The following DIP2C variants were observed in gnomAD, a reference collection of about 807,000 sequenced individuals.
DIP2C encodes disco-interacting protein 2 homolog C.
Under a neutral mutation model 192.4 loss-of-function variants are expected in DIP2C, and 33 were observed. The ratio of observed to expected loss-of-function variants is 0.17; its 90% confidence interval spans 0.13 to 0.23. The LOEUF (loss-of-function observed/expected upper bound fraction) is 0.23. Ranked by LOEUF, DIP2C falls within the 10% of genes least tolerant of loss-of-function variation. The probability of loss-of-function intolerance (pLI) is 1.00; values close to 1 mark genes in which losing one functional copy is unlikely to be tolerated. For synonymous variants in DIP2C, 979 were observed against 864.1 expected, an observed-to-expected ratio of 1.13 and a Z score of -2.33; for missense variants, 1,537 against 2,110.1, an observed-to-expected ratio of 0.73 and a Z score of 5.32.
intron 1 of DIP2C, among the ~76,000 whole-genome samples, chr10:526,558 T>A (rs1185845446): frequency 1.3e-5 from 2 of 151,838 alleles, no homozygotes; most frequent in African/African-American, 4.8e-5. Context: ...TCCGTGGCAT[T>A]TAATAAAAAA....
At chr10:605,061 G>C in intron 1 of DIP2C, among the ~76,000 whole-genome samples, 1 of 152,238 alleles carries the variant, frequency 6.6e-6, no homozygotes, top group East Asian at 1.9e-4. Flanking sequence ...CAACCTTGGA[G>C]TTTACAGAAA....
intron 1 of DIP2C, among the ~76,000 whole-genome samples, chr10:593,488 C>A (rs1178229697): frequency 3.6e-5 from 3 of 84,296 alleles, no homozygotes; most frequent in Non-Finnish European, 4.6e-5. Flanking sequence ...ACGCGGGACC[C>A]CCCCCCCCCC....
intron 1 of DIP2C, among the ~76,000 whole-genome samples, chr10:493,685 G>T (rs1342910641): frequency 1.3e-5 from 2 of 152,220 alleles, no homozygotes; most frequent in Non-Finnish European, 2.9e-5. Context: ...TTTGGATTGG[G>T]AGGGAACATG....
chr10:473,140 TAACAAAA>T (rs2133448633), intron 2 of DIP2C, among the ~76,000 whole-genome samples: 1 of 152,252 alleles, frequency 6.6e-6, no homozygotes, highest in African/African-American at 2.4e-5. Flanking sequence ...ACTTGGTGAA[TAACAAAA>T]AACATTAATG....
At chr10:456,668 T>A (rs955951038) in intron 3 of DIP2C, among the ~76,000 whole-genome samples, 3 of 152,190 alleles carry the variant, frequency 2.0e-5, no homozygotes, top group Non-Finnish European at 4.4e-5. Context: ...CTGCATGGAA[T>A]TCCACCTGTC....
chr10:581,237 A>G (rs994032493), intron 1 of DIP2C, among the ~76,000 whole-genome samples: 9 of 152,208 alleles, frequency 5.9e-5, no homozygotes, highest in African/African-American at 2.2e-4. Context: ...CAGCTGGGGA[A>G]AAAACAACAA....
intron 32 of DIP2C, among the ~76,000 whole-genome samples, chr10:292,077 C>T (rs950585751): frequency 9.8e-5 from 15 of 152,366 alleles, no homozygotes; most frequent in African/African-American, 3.6e-4. Context: ...GCAGAGCTCA[C>T]CTTCTGTGAG....
chr10:532,251 T>C (rs556927495), intron 1 of DIP2C, among the ~76,000 whole-genome samples: 12 of 152,040 alleles, frequency 7.9e-5, no homozygotes, highest in Non-Finnish European at 1.5e-4. Flanking sequence ...CCCACTCATG[T>C]CCCGGAAAGC....
chr10:597,833 T>TC (rs1211663992), intron 1 of DIP2C, among the ~76,000 whole-genome samples: 3 of 152,048 alleles, frequency 2.0e-5, no homozygotes, highest in South Asian at 2.1e-4. Flanking sequence ...ACCCATGAGG[T>TC]CCTAGGGGTC....
intron 1 of DIP2C, among the ~76,000 whole-genome samples, chr10:677,910 T>C (rs369874270): frequency 6.6e-6 from 1 of 152,208 alleles, no homozygotes. Context: ...CTGGCTCATG[T>C]GCACCCGGCG....
chr10:687,740 G>A (rs755232676), intron 1 of DIP2C, among the ~76,000 whole-genome samples: 1 of 152,206 alleles, frequency 6.6e-6, no homozygotes, highest in Non-Finnish European at 1.5e-5. Flanking sequence ...ACAGGCAAGT[G>A]TCGTCACCTC....
At chr10:609,239 C>A (rs575495601) in intron 1 of DIP2C, among the ~76,000 whole-genome samples, 3 of 152,078 alleles carry the variant, frequency 2.0e-5, no homozygotes, top group Non-Finnish European at 4.4e-5. Flanking sequence ...CTTACAGGAA[C>A]TTTCCAAAAG....
At chr10:439,578 C>A (rs1365233458) in intron 4 of DIP2C, among the ~76,000 whole-genome samples, 1 of 152,154 alleles carries the variant, frequency 6.6e-6, no homozygotes, top group Non-Finnish European at 1.5e-5. Context: ...GAGCTGCAAT[C>A]ATGACACTGA....
intron 3 of DIP2C, among the ~76,000 whole-genome samples, chr10:444,163 T>C (rs111897362): frequency 3.3e-5 from 5 of 149,664 alleles, no homozygotes; most frequent in Non-Finnish European, 7.4e-5. Flanking sequence ...AGACAGCCAC[T>C]GTTCATTCAT....
chr10:586,180 GAATT>G (rs1156703174), intron 1 of DIP2C, among the ~76,000 whole-genome samples: 4 of 152,108 alleles, frequency 2.6e-5, no homozygotes, highest in Non-Finnish European at 4.4e-5. Context: ...CTGGGAGAGA[GAATT>G]AAATTGTGCT....
intron 3 of DIP2C, among the ~76,000 whole-genome samples, chr10:466,270 G>A (rs1408740440): frequency 6.6e-6 from 1 of 151,154 alleles, no homozygotes. Flanking sequence ...ACAAACCTGA[G>A]AAAAACAAGC....
chr10:395,403 A>G (rs1249644708), intron 10 of DIP2C, among the ~76,000 whole-genome samples: 1 of 152,220 alleles, frequency 6.6e-6, no homozygotes, highest in Admixed American at 6.5e-5. Flanking sequence ...ACTCTACCCC[A>G]TAAATGTATA....
At position 548,911 on chromosome 10, in the gene DIP2C, C is replaced by CAAAAAAAAAAAAAAAAAAAA. The variant is rs61437915; in HGVS notation, c.86-62401_86-62382dup. Among the ~76,000 whole-genome samples, 2 of 26,458 alleles carry CAAAAAAAAAAAAAAAAAAAA rather than the reference C, an allele frequency of 7.6e-5. 1 individual carries two copies. Among genetic ancestry groups the CAAAAAAAAAAAAAAAAAAAA allele is most frequent in the African/African-American group, 2.7e-4 (2 of 7,424 alleles). The allele number at this position is 26,458 out of a possible 152,430, so 17.4% of individuals were successfully genotyped here. A position where few individuals can be genotyped will look rare whatever the true frequency, so the allele number is the denominator to read the frequency against. On this transcript the variant is annotated intron_variant, in intron 1 of 36. Transcript: ENST00000280886. Reference sequence around the variant, plus strand: ...CATTGCAGGAAAAAATAGCAGCTCACAAAAAAAAAAAAAAAAAAAAAAAAA... The same window carrying CAAAAAAAAAAAAAAAAAAAA: ...CATTGCAGGAAAAAATAGCAGCTCACAAAAAAAAAAAAAAAAAAAAAAAAAAAAAAAAAAAAAAAAAAAAA...
intron 1 of DIP2C, among the ~76,000 whole-genome samples, chr10:601,924 TTC>T (rs980477284): frequency 1.3e-5 from 2 of 151,618 alleles, no homozygotes; most frequent in Admixed American, 6.6e-5. Context: ...ACGCGTTTTG[TTC>T]TGATTGATCA....
Sources: gnomAD v4.1 joint callset for allele counts (sites outside exome capture counted in the v4.1 genomes callset) on GRCh38, gnomAD v4.1.1 for gene constraint, MANE v1.5 for transcripts, NCBI Gene and HGNC (gene_info 2026-07-23, HGNC 2026-07-21) for gene names.